Variants in PTGER3 observed in about 807,000 individuals in gnomAD.
PTGER3 encodes prostaglandin E2 receptor EP3 subtype.
In PTGER3, 22 loss-of-function variants were observed where a neutral mutation model predicts 34.7. That is an observed-to-expected ratio of 0.63 (90% CI 0.45 to 0.91). PTGER3 has a LOEUF of 0.91. Among genes scored for constraint, PTGER3 ranks in the 40% least tolerant of loss-of-function variants. PTGER3 has a pLI of 0.00. For synonymous variants in PTGER3, 241 were observed against 230.1 expected (o/e 1.05, Z -0.43); for missense variants, 468 against 519.4 (o/e 0.90, Z 0.96).
intron 4 of PTGER3, among the ~76,000 whole-genome samples, chr1:70,867,434 G>A (rs1217335605): frequency 2.0e-5 from 3 of 152,130 alleles, no homozygotes; most frequent in African/African-American, 7.2e-5. Flanking sequence ...AATTAAAAAT[G>A]TCTGGGCCAG....
At chr1:70,908,675 G>A (rs1215537795) in intron 4 of PTGER3, among the ~76,000 whole-genome samples, 2 of 152,082 alleles carry the variant, frequency 1.3e-5, no homozygotes, top group African/African-American at 4.8e-5. Context: ...ATTAAGCCAG[G>A]GGTCTATAAG....
chr1:70,884,709 A>G (rs1646460736), intron 4 of PTGER3, among the ~76,000 whole-genome samples: 1 of 152,222 alleles, frequency 6.6e-6, no homozygotes, highest in Non-Finnish European at 1.5e-5. Flanking sequence ...TTTGTTAGGA[A>G]GCAATAGAAA....
chr1:70,921,504 C>CTGTGCTT (rs1322035053), intron 4 of PTGER3, among the ~76,000 whole-genome samples: 1 of 152,118 alleles, frequency 6.6e-6, no homozygotes, highest in South Asian at 2.1e-4. Flanking sequence ...AGCAAATCTG[C>CTGTGCTT]TGTGCTTTGT....
downstream of PTGER3, among the ~76,000 whole-genome samples, chr1:70,966,995 C>A (rs1477922422): frequency 6.6e-6 from 1 of 151,982 alleles, no homozygotes; most frequent in Non-Finnish European, 1.5e-5. Context: ...AATGGTATTT[C>A]TGGTTCTAGA....
intron 4 of PTGER3, among the ~76,000 whole-genome samples, chr1:70,904,933 C>G (rs1557644263): frequency 6.6e-6 from 1 of 152,168 alleles, no homozygotes; most frequent in Non-Finnish European, 1.5e-5. Context: ...CCTCTCATCA[C>G]AGGCCTGGAG....
chr1:70,975,899 T>C (rs1377927366), intron 2 of PTGER3, among the ~76,000 whole-genome samples: 3 of 152,140 alleles, frequency 2.0e-5, no homozygotes, highest in African/African-American at 4.8e-5. Flanking sequence ...AGATTCTCCA[T>C]CTGCTAAAGA....
At chr1:70,899,288 A>G (rs1181472865) in intron 4 of PTGER3, among the ~76,000 whole-genome samples, 5 of 152,148 alleles carry the variant, frequency 3.3e-5, no homozygotes, top group Non-Finnish European at 5.9e-5. Flanking sequence ...TTGTGATACA[A>G]TGTAAGGAGT....
rs544211407 is a variant in PTGER3, at chr1:70,927,476, C to T, written c.*23+26287G>A. 1.2e-4 allele frequency among the ~76,000 whole-genome samples: 19 copies of T among 152,100 alleles called. No homozygotes were observed. The South Asian group carries it at 3.5e-3, about 28-fold the overall frequency. On this transcript the variant is annotated intron_variant, in intron 4 of 4. Coordinates refer to the PTGER3 transcript ENST00000370931. Reference sequence around the variant, plus strand: ...AAAAGAAAGCATAGCTATGGAATACCGTGATAGAGAGGATAGCATTATATA... The same window carrying T: ...AAAAGAAAGCATAGCTATGGAATACTGTGATAGAGAGGATAGCATTATATA...
chr1:70,852,771 T>A, exon 5 of PTGER3: 1 of 1,571,928 alleles, frequency 6.4e-7, no homozygotes. Flanking sequence ...TTTCTGTGAT[T>A]TTTTTTTCTT....
chr1:70,869,068 G>A (rs562797951), intron 4 of PTGER3, among the ~76,000 whole-genome samples: 40 of 152,272 alleles, frequency 2.6e-4, no homozygotes, highest in Admixed American at 2.4e-3. Context: ...CCAGTCTCAC[G>A]TATTACAGCC....
intron 2 of PTGER3, chr1:71,007,037 T>C (rs1657028924): frequency 1.0e-6 from 1 of 985,312 alleles, no homozygotes; most frequent in Non-Finnish European, 1.2e-6. Context: ...TACTAGAAGA[T>C]ATATTTAAAT....
chr1:70,951,080 T>C (rs540901537), downstream of PTGER3: 1 of 152,302 alleles, frequency 6.6e-6, no homozygotes, highest in East Asian at 1.9e-4. Context: ...AGTTTAATTT[T>C]AATGTGTCCA....
intron 2 of PTGER3, among the ~76,000 whole-genome samples, chr1:70,955,053 C>A (rs1396678932): frequency 6.6e-6 from 1 of 152,090 alleles, no homozygotes; most frequent in Non-Finnish European, 1.5e-5. Context: ...TTATGGCTAA[C>A]ATAATTTCTA....
intron 2 of PTGER3, among the ~76,000 whole-genome samples, chr1:70,978,733 A>G (rs1394243580): frequency 6.6e-6 from 1 of 152,150 alleles, no homozygotes; most frequent in Admixed American, 6.5e-5. Flanking sequence ...TGCAGGGTAT[A>G]TTCTGAGCAC....
chr1:71,007,644 G>A (rs1437240936), intron 2 of PTGER3: 6 of 985,212 alleles, frequency 6.1e-6, no homozygotes, highest in Non-Finnish European at 7.2e-6. Context: ...AAAGTAGAAC[G>A]TTGAAGTGTA....
intron 2 of PTGER3, chr1:71,002,388 T>A (rs1428352545): frequency 6.6e-6 from 1 of 152,166 alleles, no homozygotes; most frequent in Middle Eastern, 3.2e-3. Flanking sequence ...AAATAACAAA[T>A]CAAATAATTC....
At chr1:70,941,089 C>A (rs145199526) in intron 4 of PTGER3, among the ~76,000 whole-genome samples, 3 of 152,100 alleles carry the variant, frequency 2.0e-5, no homozygotes, top group Non-Finnish European at 4.4e-5. Context: ...ATACTTGCAA[C>A]AGCATAGGGT....
chr1:71,008,286 GA>G, intron 2 of PTGER3: 1 of 893,526 alleles, frequency 1.1e-6, no homozygotes, highest in Non-Finnish European at 1.3e-6. Context: ...TCTCAGTAAA[GA>G]AAATGTGTGA....
intron 4 of PTGER3, among the ~76,000 whole-genome samples, chr1:70,920,145 A>G (rs1389181040): frequency 1.3e-5 from 2 of 152,168 alleles, no homozygotes; most frequent in South Asian, 2.1e-4. Context: ...CAAACTTTTC[A>G]GAAGAATATG....
Sources: allele counts gnomAD v4.1 joint callset (sites outside exome capture counted in the v4.1 genomes callset), GRCh38; gene constraint gnomAD v4.1.1; transcripts MANE v1.5; gene names NCBI Gene and HGNC (gene_info 2026-07-23, HGNC 2026-07-21).